Variants in CCDC194 observed in about 807,000 individuals in gnomAD.
CCDC194 encodes the protein coiled-coil domain-containing protein 194.
Under a neutral mutation model 4.9 loss-of-function variants are expected in CCDC194, and 8 were observed. The ratio of observed to expected loss-of-function variants is 1.65; its 90% CI spans 0.97 to 2.97. CCDC194 has a LOEUF of 2.97. CCDC194 is among the 30% of genes most tolerant of loss of function. The pLI, the probability that CCDC194 is intolerant of heterozygous loss-of-function variation, is 0.00. For synonymous variants in CCDC194, 13 were observed against 17.0 expected (o/e 0.76, Z 0.58); for missense variants, 52 against 43.1 (o/e 1.21, Z -0.58).
rs916833941 is a variant in CCDC194, at chr19:17,390,831, C to T, written c.555-172G>A. ...CATCCGTTCTCGACCCCCAGCCATT[C>T]CCGGGACGCCTCCCTAGAGACTCCC... is the stretch of plus-strand genomic sequence containing the variant. On this transcript the variant is annotated intron_variant, in intron 3 of 3. Transcript: ENST00000636079. This position sits in a 1 kb window ranked among gnomAD's most constrained non-coding sequence, Gnocchi z 5.5. Among the ~76,000 whole-genome samples, 1 of 152,154 alleles carries T rather than the reference C, an allele frequency of 6.6e-6. No individual in the cohort carries two copies.
exon 1 of CCDC194, chr19:17,393,969 G>A (rs1221773089): frequency 5.1e-6 from 2 of 394,640 alleles, no homozygotes; most frequent in Non-Finnish European, 8.9e-6. Flanking sequence ...TCGACCCCAG[G>A]CGGCGGGTCC....
In CCDC194 at chr19:17,391,089, C is replaced by T. The variant is rs1049058354; in HGVS notation, c.554+122G>A. ...ATCCCCCTATTAAATCAACAATGCCCCCCCCCCACCACAATTCCACGCCCA... is the reference window on the plus strand; with the variant it reads ...ATCCCCCTATTAAATCAACAATGCCTCCCCCCCACCACAATTCCACGCCCA... On this transcript the variant is annotated intron_variant, in intron 3 of 3. Coordinates refer to ENST00000636079, the Ensembl canonical transcript of CCDC194. 74 of 190,598 alleles carry T rather than the reference C, an allele frequency of 3.9e-4. No homozygotes were observed. The African/African-American group carries it at 0.01, about 26-fold the overall frequency. 11.8% of individuals were successfully genotyped at this position (190,598 alleles called of 1,614,324 possible).
At position 17,391,363 on chromosome 19, in the gene CCDC194, G is replaced by A. The variant is rs542192747; in HGVS notation, c.422-20C>T. The A allele has an allele frequency of 2.1e-6, 1 of 465,800 alleles. No homozygotes were observed. Among genetic ancestry groups the A allele is most frequent in the East Asian group, 3.5e-5 (1 of 28,270 alleles). The allele number at this position is 465,800 out of a possible 1,614,324, so 28.9% of individuals were successfully genotyped here. On this transcript the variant is annotated intron_variant, in intron 2 of 3. Transcript: ENST00000636079. Reference sequence around the variant, plus strand: ...GGGCCTCTGGGGGCGCAGGGAGCCGGGTCAGGCTGGAGACTCCCGCGCCCA... The same window carrying A: ...GGGCCTCTGGGGGCGCAGGGAGCCGAGTCAGGCTGGAGACTCCCGCGCCCA...
chr19:17,389,585 T>C (rs567352114), downstream of CCDC194, among the ~76,000 whole-genome samples: 1 of 152,304 alleles, frequency 6.6e-6, no homozygotes, highest in South Asian at 2.1e-4. Flanking sequence ...ATTTCCTCAT[T>C]TGATCTATTA....
At position 17,391,734 on chromosome 19, in the gene CCDC194, T is replaced by G; in HGVS notation, c.421+16A>C. 6.5e-7 allele frequency: 1 copy of G among 1,535,712 alleles called. No homozygotes were observed. The highest frequency in any genetic ancestry group is 8.7e-7 in the Non-Finnish European group (1 of 1,146,892). ...CCCACTTCTATCCCTGCCCACTCCC[T>G]TACACCCCAACGCACCTGTCAGCGC... On this transcript the variant is annotated intron_variant, in intron 2 of 3. Coordinates refer to ENST00000636079, the Ensembl canonical transcript of CCDC194.
chr19:17,390,134 A>C (rs1246974518), downstream of CCDC194, among the ~76,000 whole-genome samples: 1 of 152,042 alleles, frequency 6.6e-6, no homozygotes, highest in Non-Finnish European at 1.5e-5. This position sits in a 1 kb window ranked among gnomAD's most constrained non-coding sequence, Gnocchi z 5.5. Flanking sequence ...CACCCATTTT[A>C]CAGATAGGGT....
chr19:17,390,462 C>G, downstream of CCDC194: 2 of 391,784 alleles, frequency 5.1e-6, no homozygotes, highest in Non-Finnish European at 4.5e-6. The surrounding 1 kb of genome is among the most constrained non-coding windows in gnomAD (Gnocchi z 5.5). Context: ...GACCCCCCCC[C>G]CATATGTGTC....
downstream of CCDC194, among the ~76,000 whole-genome samples, chr19:17,389,857 T>G (rs1231072640): frequency 9.9e-5 from 15 of 152,122 alleles, no homozygotes; most frequent in Admixed American, 9.2e-4. Flanking sequence ...CCCAGCTACC[T>G]GGGAGGCTGA....
intron 1 of CCDC194, among the ~76,000 whole-genome samples, chr19:17,393,590 T>C (rs147036238): frequency 4.9e-4 from 74 of 151,844 alleles, no homozygotes; most frequent in Middle Eastern, 3.4e-3. Context: ...GGTTTCACCA[T>C]ATTGGCCAGG....
chr19:17,394,020 G>A (rs2074665052), exon 1 of CCDC194: 1 of 390,240 alleles, frequency 2.6e-6, no homozygotes, highest in Admixed American at 4.5e-5. Context: ...TCCGGGCAGC[G>A]AGGTCCCCGA....
chr19:17,388,983 T>A (rs966303378), downstream of CCDC194, among the ~76,000 whole-genome samples: 2 of 152,056 alleles, frequency 1.3e-5, no homozygotes, highest in Admixed American at 1.3e-4. Context: ...GGGCTACAGA[T>A]GCATGTCACC....
downstream of CCDC194, among the ~76,000 whole-genome samples, chr19:17,387,867 T>C (rs1243989883): frequency 6.6e-6 from 1 of 152,024 alleles, no homozygotes; most frequent in Admixed American, 6.6e-5. Context: ...CACTTTTTCT[T>C]TTTCTGTCTT....
At chr19:17,392,044 C>T in intron 1 of CCDC194, 198 bp from the exon 2 acceptor site, 1 of 504,516 alleles carries the variant, frequency 2.0e-6, no homozygotes, top group South Asian at 3.4e-5. Flanking sequence ...TGACAGCTGC[C>T]TGCCTGGAGG....
chr19:17,390,463 C>G (rs975921455), downstream of CCDC194: 8 of 383,938 alleles, frequency 2.1e-5, no homozygotes, highest in Admixed American at 4.6e-5. The surrounding 1 kb of genome is among the most constrained non-coding windows in gnomAD (Gnocchi z 5.5). Flanking sequence ...ACCCCCCCCC[C>G]ATATGTGTCC....
exon 1 of CCDC194, chr19:17,394,107 A>C (rs2074665474): frequency 2.5e-6 from 1 of 392,864 alleles, no homozygotes; most frequent in Non-Finnish European, 4.5e-6. Context: ...GCCACCCCGC[A>C]CAGGGCGAGC....
intron 1 of CCDC194, among the ~76,000 whole-genome samples, chr19:17,392,834 A>C (rs1324866188): frequency 1.3e-5 from 2 of 152,132 alleles, no homozygotes; most frequent in African/African-American, 4.8e-5. Flanking sequence ...AGCATGCGCC[A>C]TCACACCTGG....
At chr19:17,388,988 G>A (rs2074645137), downstream of CCDC194, among the ~76,000 whole-genome samples, 1 of 152,102 alleles carries the variant, frequency 6.6e-6, no homozygotes, top group Non-Finnish European at 1.5e-5. Context: ...ACAGATGCAT[G>A]TCACCATGCT....
downstream of CCDC194, among the ~76,000 whole-genome samples, chr19:17,387,884 CTATTT>C (rs1288408055): frequency 6.6e-6 from 1 of 151,802 alleles, no homozygotes; most frequent in Non-Finnish European, 1.5e-5. Flanking sequence ...TCTTTCTTTT[CTATTT>C]ATTTTTATTT....
intron 2 of CCDC194, 154 bp downstream of exon 2, chr19:17,391,596 G>A: frequency 6.7e-7 from 1 of 1,499,562 alleles, no homozygotes; most frequent in Non-Finnish European, 8.9e-7. Flanking sequence ...CATTTGCATG[G>A]CCTCTGCATG....
Sources: allele counts gnomAD v4.1 joint callset (sites outside exome capture counted in the v4.1 genomes callset), GRCh38; gene constraint gnomAD v4.1.1; non-coding constraint Gnocchi (gnomAD v3.1); transcripts MANE v1.5; gene names NCBI Gene and HGNC (gene_info 2026-07-23, HGNC 2026-07-21).